Variants in FAM180A observed in about 807,000 individuals in gnomAD.
FAM180A encodes family with sequence similarity 180 member A.
In FAM180A, 14 loss-of-function variants were observed where a neutral mutation model predicts 15.3. That is an observed-to-expected ratio of 0.92 (90% CI 0.61 to 1.43). The LOEUF is 1.43. FAM180A is among the 40% of genes most tolerant of loss of function. The pLI is 0.00. For missense variants in FAM180A, 200 were observed against 220.8 expected, an observed-to-expected ratio of 0.91 and a Z score of 0.60; for synonymous variants, 90 against 96.8, an observed-to-expected ratio of 0.93 and a Z score of 0.41.
intron 3 of FAM180A, 28 bp downstream of exon 3, chr7:135,733,618 A>T (rs554792323): frequency 3.2e-4 from 324 of 1,019,246 alleles, no homozygotes; most frequent in Non-Finnish European, 3.7e-4. Context: ...AAGTGCTGGG[A>T]TTACAGGCGT....
chr7:135,729,995 T>A lies in FAM180A; in HGVS notation c.*616A>T, dbSNP rs1262001710. ...TAAAAATGGTTAAGATGGTACATTT[T>A]ACCTGATGTGTTTTTTACCACAATA... On this transcript the variant is annotated 3_prime_UTR_variant, in exon 4 of 4. Transcript: ENST00000338588. 1.0e-6 allele frequency: 1 copy of A among 967,382 alleles called. No homozygotes were observed. Among genetic ancestry groups the A allele is most frequent in the Non-Finnish European group, 1.2e-6 (1 of 813,658 alleles). 59.9% of individuals were successfully genotyped at this position (967,382 alleles called of 1,614,324 possible). A position where few individuals can be genotyped will look rare whatever the true frequency, so the allele number is the denominator to read the frequency against.
chr7:135,734,024 GC>G lies in FAM180A; in HGVS notation c.472del (p.Ala158ProfsTer2). The G allele has an allele frequency of 6.2e-7, 1 of 1,613,962 alleles. No individual in the cohort carries two copies. Among genetic ancestry groups the G allele is most frequent in the Non-Finnish European group, 8.5e-7 (1 of 1,179,938 alleles). On this transcript the variant is annotated frameshift_variant, in exon 3 of 4. Transcript: ENST00000338588. LOFTEE classifies it high-confidence loss of function. ...GGAGCGCATCAAGTCGTGCCTCAGG[GC>G]CTGGAAGAGGCTAACGAGGGACTGC... ...WAQSLVSLFQ[A>X]LRHDLMRSSQ...
intron 2 of FAM180A, among the ~76,000 whole-genome samples, chr7:135,734,584 T>C (rs1456910565): frequency 1.3e-5 from 2 of 152,226 alleles, no homozygotes; most frequent in East Asian, 1.9e-4. Context: ...AAGACAAATA[T>C]GGACAAAACT....
rs201416866 is a variant in FAM180A at position 135,734,215 on chromosome 7, G to A, written c.282C>T (p.Asn94=). ...CTGGGATGCTCTTGGGGATGACGTT[G>A]TTGCAGACGGTGCGGAAGTCTGAGG... ...RKASDFRTVC[N]NVIPKSIPDI... The change falls in exon 3 of 4, where the codon AAC becomes AAT. Residue 94 remains asparagine (N), a synonymous_variant. Transcript: ENST00000338588. The A allele has an allele frequency of 5.6e-6, 9 of 1,614,246 alleles. No homozygotes were observed. The East Asian group carries it at 1.8e-4, about 32-fold the overall frequency.
intron 3 of FAM180A, among the ~76,000 whole-genome samples, chr7:135,731,654 A>G (rs1796784017): frequency 6.6e-6 from 1 of 152,226 alleles, no homozygotes; most frequent in Non-Finnish European, 1.5e-5. Flanking sequence ...TGGAGGAGGT[A>G]AAAGAGCAGA....
chr7:135,733,754 C>G lies in FAM180A; in HGVS notation c.*221G>C. On this transcript the variant is annotated 3_prime_UTR_variant, in exon 3 of 4. Coordinates refer to ENST00000338588, the MANE Select transcript of FAM180A (RefSeq NM_205855.4). ...CATGGAGGCGTCTTGAATGACCATT[C>G]CAGCCCTTTCTTCCAGCCCAGGTCA... 7.3e-7 allele frequency: 1 copy of G among 1,365,514 alleles called. No individual in the cohort carries two copies. Among genetic ancestry groups the G allele is most frequent in the Non-Finnish European group, 9.4e-7 (1 of 1,064,728 alleles). 84.6% of individuals were successfully genotyped at this position (1,365,514 alleles called of 1,614,324 possible).
intron 2 of FAM180A, among the ~76,000 whole-genome samples, chr7:135,736,289 G>C (rs1038826982): frequency 5.3e-5 from 8 of 152,208 alleles, no homozygotes; most frequent in African/African-American, 1.9e-4. Flanking sequence ...CCAAAGTGCT[G>C]GGATTACAGG....
chr7:135,736,778 C>A (rs956472871), intron 2 of FAM180A, among the ~76,000 whole-genome samples: 2 of 152,180 alleles, frequency 1.3e-5, no homozygotes. Flanking sequence ...TGCCTCAAGG[C>A]CTTTGCTTGG....
intron 1 of FAM180A, among the ~76,000 whole-genome samples, chr7:135,742,581 G>A (rs1055467948): frequency 3.3e-5 from 5 of 152,282 alleles, no homozygotes; most frequent in Admixed American, 2.6e-4. Context: ...ACATGGGACC[G>A]ACCAGCATAG....
At position 135,737,209 on chromosome 7, in the gene FAM180A, A is replaced by G. The variant is rs373444697; in HGVS notation, c.77-10T>C. 244 of 1,581,980 alleles carry G rather than the reference A, an allele frequency of 1.5e-4. No homozygotes were observed. Among genetic ancestry groups the G allele is most frequent in the Middle Eastern group, 1.2e-3 (7 of 5,890 alleles). ...GCAGGGAAGAGCACAGCTGAAAGAA[A>G]GAAAACAGTGAGTTCCTGGCTGCTG... On this transcript the variant is annotated splice_polypyrimidine_tract_variant and intron_variant, in intron 1 of 3. Coordinates refer to ENST00000338588, the MANE Select transcript of FAM180A (RefSeq NM_205855.4).
intron 1 of FAM180A, among the ~76,000 whole-genome samples, chr7:135,748,289 C>T (rs1584756003): frequency 6.6e-6 from 1 of 152,266 alleles, no homozygotes; most frequent in East Asian, 1.9e-4. Context: ...GGGTTCTCCA[C>T]CTCAACCTAA....
At chr7:135,737,586 CAAAAAAAAA>C (rs35378393) in intron 1 of FAM180A, among the ~76,000 whole-genome samples, 35 of 82,342 alleles carry the variant, frequency 4.3e-4, no homozygotes, top group South Asian at 9.5e-4. Context: ...GACTCCATGT[CAAAAAAAAA>C]AAAAAAAAAA....
intron 1 of FAM180A, among the ~76,000 whole-genome samples, chr7:135,742,497 G>C (rs1054208448): frequency 6.6e-6 from 1 of 152,190 alleles, no homozygotes; most frequent in South Asian, 2.1e-4. Flanking sequence ...GGCTGCCCAG[G>C]CTGGCCGTGG....
intron 1 of FAM180A, among the ~76,000 whole-genome samples, chr7:135,747,684 G>T (rs780460636): frequency 3.9e-5 from 6 of 152,138 alleles, no homozygotes; most frequent in Non-Finnish European, 8.8e-5. Flanking sequence ...ACTTGAAGGA[G>T]CCTGTTCTTC....
intron 1 of FAM180A, 38 bp downstream of exon 1, chr7:135,748,467 T>A (rs1215881366): frequency 2.6e-6 from 4 of 1,539,096 alleles, no homozygotes; most frequent in Non-Finnish European, 3.6e-6. Context: ...GAAAGTATAA[T>A]GAGCATCAAA....
chr7:135,748,036 G>A (rs80096630), intron 1 of FAM180A, among the ~76,000 whole-genome samples: 6,319 of 152,262 alleles, frequency 0.042, 200 homozygotes, highest in Middle Eastern at 0.088. Flanking sequence ...TGGCTGCAGA[G>A]ATGCATCCCC....
At position 135,730,070 on chromosome 7, in the gene FAM180A, G is replaced by A; in HGVS notation, c.*541C>T. On this transcript the variant is annotated 3_prime_UTR_variant, in exon 4 of 4. Coordinates refer to ENST00000338588, the MANE Select transcript of FAM180A (RefSeq NM_205855.4). ...AGGAAAGTAAGGGGTGTTGTAAAAA[G>A]TCATTTAACAAGCATTTGATTTTAG... The A allele has an allele frequency of 1.0e-6, 1 of 985,316 alleles. No individual in the cohort carries two copies. Among genetic ancestry groups the A allele is most frequent in the Non-Finnish European group, 1.2e-6 (1 of 829,910 alleles). The allele number at this position is 985,316 out of a possible 1,614,324, so 61.0% of individuals were successfully genotyped here. A position where few individuals can be genotyped will look rare whatever the true frequency, so the allele number is the denominator to read the frequency against.
chr7:135,737,613 G>GAA (rs150431266), intron 1 of FAM180A, among the ~76,000 whole-genome samples: 1 of 127,140 alleles, frequency 7.9e-6, no homozygotes, highest in African/African-American at 3.2e-5. Context: ...AAAAAAGAAA[G>GAA]AAAAAAAAAA....
At chr7:135,737,946 T>G (rs927892511) in intron 1 of FAM180A, among the ~76,000 whole-genome samples, 2 of 152,250 alleles carry the variant, frequency 1.3e-5, no homozygotes, top group Admixed American at 6.5e-5. Flanking sequence ...GAAAACACTG[T>G]TCCCTAATAG....
Sources: gnomAD v4.1 joint callset for allele counts (sites outside exome capture counted in the v4.1 genomes callset) on GRCh38, gnomAD v4.1.1 for gene constraint, MANE v1.5 for transcripts, NCBI Gene and HGNC (gene_info 2026-07-23, HGNC 2026-07-21) for gene names.